ZSCAN5A: variants seen among roughly 807,000 people sequenced by gnomAD.
The protein encoded by ZSCAN5A is zinc finger and SCAN domain containing 5A, also known as zinc finger and SCAN domain-containing protein 5A.
Under a neutral mutation model 23.7 loss-of-function variants are expected in ZSCAN5A, and 12 were observed. The observed-to-expected ratio is 0.51, with a 90% CI of 0.32 to 0.82. The LOEUF is 0.82. ZSCAN5A is among the 40% of genes least tolerant of loss of function. The probability of loss-of-function intolerance (pLI) is 0.03; values close to 1 mark genes in which losing one functional copy is unlikely to be tolerated. For missense variants in ZSCAN5A, 597 were observed against 617.9 expected, an observed-to-expected ratio of 0.97 and a Z score of 0.36; for synonymous variants, 257 against 239.9, an observed-to-expected ratio of 1.07 and a Z score of -0.66.
intron 2 of ZSCAN5A, among the ~76,000 whole-genome samples, chr19:56,334,439 T>G (rs2041516428): frequency 6.6e-6 from 1 of 152,274 alleles, no homozygotes; most frequent in African/African-American, 2.4e-5. Context: ...ATGTATCAGT[T>G]ACATTGACAT....
rs76962977 is a variant in ZSCAN5A at position 56,253,751 on chromosome 19, G to A, written c.-127-28578C>T. Among the ~76,000 whole-genome samples, 254 of 152,294 alleles carry A rather than the reference G, an allele frequency of 1.7e-3. 4 individuals carry two copies. The East Asian group carries it at 0.032, about 19-fold the overall frequency. On this transcript the variant is annotated intron_variant, in intron 2 of 5. Transcript: ENST00000683990. ...TTACAATAAGAAGTTGAAGATCTGAGTGGATGAGAACTGGAGAAAGTAGGG... is the reference window on the plus strand; with the variant it reads ...TTACAATAAGAAGTTGAAGATCTGAATGGATGAGAACTGGAGAAAGTAGGG...
At chr19:56,279,234 T>G (rs1247781310) in intron 2 of ZSCAN5A, among the ~76,000 whole-genome samples, 3 of 152,146 alleles carry the variant, frequency 2.0e-5, no homozygotes, top group African/African-American at 7.2e-5. Flanking sequence ...CTTTGGATGA[T>G]ACTTCGAGAA....
At chr19:56,362,699 C>G (rs980459746) in intron 2 of ZSCAN5A, among the ~76,000 whole-genome samples, 8 of 152,024 alleles carry the variant, frequency 5.3e-5, no homozygotes, top group Non-Finnish European at 4.4e-5. Context: ...AAAACCCCGT[C>G]TCTACTGAAA....
intron 2 of ZSCAN5A, among the ~76,000 whole-genome samples, chr19:56,227,068 T>C (rs1397037924): frequency 6.6e-6 from 1 of 152,166 alleles, no homozygotes; most frequent in African/African-American, 2.4e-5. Flanking sequence ...CAAATTTCAA[T>C]TGAAGAAATC....
At chr19:56,331,256 T>A (rs1311094278) in intron 2 of ZSCAN5A, among the ~76,000 whole-genome samples, 1 of 152,170 alleles carries the variant, frequency 6.6e-6, no homozygotes, top group Non-Finnish European at 1.5e-5. Flanking sequence ...TTTGTTGTTG[T>A]TTAGAATTGC....
intron 2 of ZSCAN5A, among the ~76,000 whole-genome samples, chr19:56,250,615 G>A (rs2036267484): frequency 1.3e-5 from 2 of 152,258 alleles, no homozygotes; most frequent in South Asian, 2.1e-4. Flanking sequence ...TACTGCTCAA[G>A]TCAGCATCTT....
chr19:56,334,738 C>T (rs2041519348), intron 2 of ZSCAN5A, among the ~76,000 whole-genome samples: 1 of 152,142 alleles, frequency 6.6e-6, no homozygotes, highest in African/African-American at 2.4e-5. Context: ...TAGCAAACCA[C>T]AGCAGCCCTA....
chr19:56,271,126 G>A (rs1393186029), intron 2 of ZSCAN5A, among the ~76,000 whole-genome samples: 2 of 152,216 alleles, frequency 1.3e-5, no homozygotes, highest in African/African-American at 2.4e-5. Context: ...GGCTGCTAAG[G>A]AAGGATGGAA....
intron 2 of ZSCAN5A, among the ~76,000 whole-genome samples, chr19:56,251,356 C>T (rs547465219): frequency 6.6e-6 from 1 of 152,082 alleles, no homozygotes; most frequent in African/African-American, 2.4e-5. Flanking sequence ...GGACTTTTGG[C>T]CTTTATCCAC....
chr19:56,241,492 C>T (rs1438417602), intron 2 of ZSCAN5A, among the ~76,000 whole-genome samples: 1 of 152,180 alleles, frequency 6.6e-6, no homozygotes, highest in East Asian at 1.9e-4. Context: ...TACAATTGGG[C>T]ACAGCATAAT....
At chr19:56,223,094 G>C (rs999307460) in intron 4 of ZSCAN5A, among the ~76,000 whole-genome samples, 2 of 152,116 alleles carry the variant, frequency 1.3e-5, no homozygotes, top group African/African-American at 2.4e-5. Context: ...ACTGGCATTG[G>C]GGCTGCATCA....
At chr19:56,283,508 G>A (rs1160343341) in intron 2 of ZSCAN5A, 2 of 152,126 alleles carry the variant, frequency 1.3e-5, no homozygotes, top group Non-Finnish European at 2.9e-5. Flanking sequence ...TCCCAACAAC[G>A]TTAGGCATTA....
chr19:56,282,661 G>GAACAAC (rs201997424), intron 2 of ZSCAN5A, among the ~76,000 whole-genome samples: 1 of 152,094 alleles, frequency 6.6e-6, no homozygotes, highest in African/African-American at 2.4e-5. Context: ...GTCCTTTGAT[G>GAACAAC]AACAACAACA....
chr19:56,269,490 A>T (rs2037696888), intron 2 of ZSCAN5A, among the ~76,000 whole-genome samples: 1 of 152,180 alleles, frequency 6.6e-6, no homozygotes, highest in Non-Finnish European at 1.5e-5. Context: ...CTCAGATGTG[A>T]TAAAAATAAG....
At chr19:56,329,185 C>T (rs978079294) in intron 2 of ZSCAN5A, among the ~76,000 whole-genome samples, 7 of 151,710 alleles carry the variant, frequency 4.6e-5, no homozygotes, top group Non-Finnish European at 8.8e-5. Flanking sequence ...CCCGCCTCTA[C>T]TAAAAATACA....
intron 2 of ZSCAN5A, among the ~76,000 whole-genome samples, chr19:56,295,399 G>GTT (rs2039801299): frequency 6.6e-6 from 1 of 152,056 alleles, no homozygotes; most frequent in African/African-American, 2.4e-5. Flanking sequence ...TTCTAGACCA[G>GTT]CCTGGCCAAC....
chr19:56,325,802 G>T (rs1392345962), intron 2 of ZSCAN5A, among the ~76,000 whole-genome samples: 1 of 152,110 alleles, frequency 6.6e-6, no homozygotes, highest in African/African-American at 2.4e-5. Flanking sequence ...TATTTCAAGA[G>T]GATTAGAGTG....
At chr19:56,361,374 T>C (rs959743693) in intron 2 of ZSCAN5A, among the ~76,000 whole-genome samples, 1 of 152,224 alleles carries the variant, frequency 6.6e-6, no homozygotes, top group Non-Finnish European at 1.5e-5. Flanking sequence ...CAAAGGAATA[T>C]AAATCATTCT....
intron 2 of ZSCAN5A, among the ~76,000 whole-genome samples, chr19:56,356,664 A>G (rs1182927585): frequency 6.7e-6 from 1 of 148,872 alleles, no homozygotes; most frequent in Non-Finnish European, 1.5e-5. Context: ...AGTGAGGAGA[A>G]AACCAAGAGT....
Sources: allele counts gnomAD v4.1 joint callset (sites outside exome capture counted in the v4.1 genomes callset), GRCh38; gene constraint gnomAD v4.1.1; transcripts MANE v1.5; gene names NCBI Gene and HGNC (gene_info 2026-07-23, HGNC 2026-07-21).